GRID1: variants seen among roughly 807,000 people sequenced by gnomAD.
GRID1 encodes glutamate receptor ionotropic, delta-1.
GRID1 carries 28 observed loss-of-function variants against 98.0 expected under a neutral mutation model. The observed-to-expected ratio is 0.29, with a 90% CI of 0.21 to 0.39. GRID1 has a LOEUF of 0.39. GRID1 is among the 10% of genes least tolerant of loss of function. GRID1 has a pLI of 1.00. For missense variants in GRID1, 1,111 were observed against 1,340.5 expected, an observed-to-expected ratio of 0.83 and a Z score of 2.67; for synonymous variants, 553 against 538.5, an observed-to-expected ratio of 1.03 and a Z score of -0.37.
intron 12 of GRID1, among the ~76,000 whole-genome samples, chr10:85,654,220 G>A (rs734502): frequency 0.02 from 3,036 of 152,086 alleles, 91 homozygotes; most frequent in East Asian, 0.11. Context: ...CCTCCATGGC[G>A]TTTTCTCTCC....
chr10:85,668,766 C>T (rs1181406953), intron 12 of GRID1, among the ~76,000 whole-genome samples: 5 of 152,206 alleles, frequency 3.3e-5, no homozygotes. Flanking sequence ...TCTCACAGTT[C>T]AGCAATGGCA....
At chr10:85,833,524 CAAAAAAA>C (rs113962227) in intron 8 of GRID1, among the ~76,000 whole-genome samples, 2 of 103,900 alleles carry the variant, frequency 1.9e-5, no homozygotes, top group South Asian at 3.0e-4. Flanking sequence ...TAACTCCCAA[CAAAAAAA>C]AAAAAAAAAG....
intron 4 of GRID1, among the ~76,000 whole-genome samples, chr10:86,088,767 G>A (rs1425120111): frequency 1.3e-5 from 2 of 152,150 alleles, no homozygotes; most frequent in African/African-American, 4.8e-5. Context: ...AAGAGAAGAA[G>A]GCAGACCAGC....
intron 2 of GRID1, among the ~76,000 whole-genome samples, chr10:86,317,011 G>A (rs946752101): frequency 2.0e-5 from 3 of 152,120 alleles, no homozygotes; most frequent in Admixed American, 6.5e-5. Context: ...ATAAAAGTAC[G>A]GCCTTGGCAA....
chr10:86,043,047 C>T (rs1241210736), intron 4 of GRID1, among the ~76,000 whole-genome samples: 1 of 152,150 alleles, frequency 6.6e-6, no homozygotes, highest in African/African-American at 2.4e-5. Context: ...ATCAATCACT[C>T]CACTGCAATC....
chr10:86,153,036 A>T (rs1426997731), intron 3 of GRID1, among the ~76,000 whole-genome samples: 1 of 152,236 alleles, frequency 6.6e-6, no homozygotes, highest in Non-Finnish European at 1.5e-5. Context: ...AGGGGCCCAC[A>T]GATGCCACCA....
rs567997501 is a variant in GRID1, at chr10:85,718,036, C to T, written c.1997+4967G>A. Among the ~76,000 whole-genome samples, 5 of 152,322 alleles carry T rather than the reference C, an allele frequency of 3.3e-5. No homozygotes were observed. In the South Asian group the frequency reaches 1.0e-3, roughly 32 times the overall value. On this transcript the variant is annotated intron_variant, in intron 12 of 15. Coordinates refer to ENST00000327946, the MANE Select transcript of GRID1 (RefSeq NM_017551.3). ...TCCGCCCCTGTGGCTTTGCAGGGTA[C>T]AGCCTCCCTCATGGCTGCTTTCATG...
chr10:85,820,805 C>A (rs1053747792), intron 8 of GRID1, among the ~76,000 whole-genome samples: 3 of 152,130 alleles, frequency 2.0e-5, no homozygotes, highest in African/African-American at 4.8e-5. Context: ...AATGTTAATA[C>A]ATTGCTGAAG....
intron 4 of GRID1, among the ~76,000 whole-genome samples, chr10:85,971,500 T>C (rs1197843040): frequency 6.6e-6 from 1 of 151,554 alleles, no homozygotes; most frequent in Non-Finnish European, 1.5e-5. Context: ...AAAGAAAAAG[T>C]CCAACAACCC....
At chr10:85,748,085 C>T (rs1156840952) in intron 8 of GRID1, among the ~76,000 whole-genome samples, 1 of 152,062 alleles carries the variant, frequency 6.6e-6, no homozygotes, top group African/African-American at 2.4e-5. Flanking sequence ...GTGCACCTGC[C>T]CACCGTGACT....
At chr10:85,986,574 G>A (rs774798727) in intron 4 of GRID1, among the ~76,000 whole-genome samples, 2 of 152,190 alleles carry the variant, frequency 1.3e-5, no homozygotes, top group South Asian at 2.1e-4. Flanking sequence ...TGCCTCTCCC[G>A]CCAGCCACAT....
intron 4 of GRID1, among the ~76,000 whole-genome samples, chr10:85,977,334 G>A (rs749357563): frequency 6.6e-6 from 1 of 152,156 alleles, no homozygotes; most frequent in Non-Finnish European, 1.5e-5. Flanking sequence ...ATACAGTGGT[G>A]AGAAGTGAGG....
intron 14 of GRID1, among the ~76,000 whole-genome samples, chr10:85,614,778 T>G (rs951054822): frequency 6.6e-6 from 1 of 152,152 alleles, no homozygotes; most frequent in African/African-American, 2.4e-5. Context: ...TCATCATGTG[T>G]GCAATGGTGG....
At chr10:85,669,944 T>A (rs1285742091) in intron 12 of GRID1, among the ~76,000 whole-genome samples, 1 of 152,222 alleles carries the variant, frequency 6.6e-6, no homozygotes, top group Non-Finnish European at 1.5e-5. Flanking sequence ...TGTTTTGGCT[T>A]ACAGTGAGGA....
chr10:85,748,168 T>C (rs1842014615), intron 8 of GRID1, among the ~76,000 whole-genome samples: 1 of 151,848 alleles, frequency 6.6e-6, no homozygotes, highest in Non-Finnish European at 1.5e-5. Flanking sequence ...GCTCAGACAT[T>C]CAAACATTCA....
At chr10:86,291,654 G>A (rs529874538) in intron 2 of GRID1, among the ~76,000 whole-genome samples, 154 of 152,292 alleles carry the variant, frequency 1.0e-3, no homozygotes, top group African/African-American at 3.5e-3. Flanking sequence ...CATCTCAGCT[G>A]GTGCAAGATC....
chr10:86,133,653 T>A (rs1844872037), intron 4 of GRID1, among the ~76,000 whole-genome samples: 1 of 152,234 alleles, frequency 6.6e-6, no homozygotes, highest in Non-Finnish European at 1.5e-5. Flanking sequence ...TGACCCCATT[T>A]CTATTGGAAG....
At chr10:85,796,465 G>A (rs1332085181) in intron 8 of GRID1, among the ~76,000 whole-genome samples, 1 of 152,128 alleles carries the variant, frequency 6.6e-6, no homozygotes, top group African/African-American at 2.4e-5. Context: ...ACAACAGAAA[G>A]GAGTAAATGT....
chr10:86,074,121 G>A lies in GRID1; in HGVS notation c.726+64698C>T, dbSNP rs567068173. Among the ~76,000 whole-genome samples, 30 of 147,170 alleles carry A rather than the reference G, an allele frequency of 2.0e-4. No homozygotes were observed. In the South Asian group the frequency reaches 2.7e-3, roughly 13 times the overall value. The stretch of plus-strand genomic sequence containing the variant: ...TCTTTTTTATTATTTTCTTACGTGC[G>A]CAAATGTATGGGGTGGGTGAGAAAT... On this transcript the variant is annotated intron_variant, in intron 4 of 15. Coordinates refer to ENST00000327946, the MANE Select transcript of GRID1 (RefSeq NM_017551.3).
Sources: gnomAD v4.1 joint callset for allele counts (sites outside exome capture counted in the v4.1 genomes callset) on GRCh38, gnomAD v4.1.1 for gene constraint, MANE v1.5 for transcripts, NCBI Gene and HGNC (gene_info 2026-07-23, HGNC 2026-07-21) for gene names.